The following CDH12 variants were observed in gnomAD, a reference collection of about 807,000 sequenced individuals.
CDH12 encodes the protein cadherin 12.
CDH12 carries 41 observed loss-of-function variants against 74.1 expected under a neutral mutation model. The observed-to-expected ratio is 0.55, with a 90% CI of 0.43 to 0.72. The LOEUF (loss-of-function observed/expected upper bound fraction) is 0.72. Among genes scored for constraint, CDH12 ranks in the 30% least tolerant of loss-of-function variants. The probability of loss-of-function intolerance (pLI) is 0.00; values close to 1 mark genes in which losing one functional copy is unlikely to be tolerated. For missense variants in CDH12, 945 were observed against 977.2 expected (o/e 0.97, Z 0.44); for synonymous variants, 399 against 355.0 (o/e 1.12, Z -1.39).
intron 1 of CDH12, among the ~76,000 whole-genome samples, chr5:22,823,570 T>A (rs1328278840): frequency 6.6e-6 from 1 of 152,122 alleles, no homozygotes; most frequent in Non-Finnish European, 1.5e-5. Flanking sequence ...ATTAGCCGCA[T>A]GAAAACATAC....
chr5:22,494,226 T>C (rs976266342), intron 2 of CDH12, among the ~76,000 whole-genome samples: 2 of 152,214 alleles, frequency 1.3e-5, no homozygotes, highest in South Asian at 2.1e-4. Flanking sequence ...TCTCCCCAGA[T>C]TGGCGTGGGT....
At chr5:22,801,369 C>A (rs935749084) in intron 1 of CDH12, among the ~76,000 whole-genome samples, 1 of 151,916 alleles carries the variant, frequency 6.6e-6, no homozygotes, top group African/African-American at 2.4e-5. Context: ...AAGCAAAATG[C>A]CAGTTTTGGG....
intron 6 of CDH12, among the ~76,000 whole-genome samples, chr5:21,951,468 A>C (rs1364494393): frequency 6.6e-6 from 1 of 152,014 alleles, no homozygotes; most frequent in African/African-American, 2.4e-5. Flanking sequence ...GGCCGGTCAC[A>C]AACTCCTGAC....
At chr5:22,689,021 C>T (rs1741949523) in intron 1 of CDH12, among the ~76,000 whole-genome samples, 1 of 151,922 alleles carries the variant, frequency 6.6e-6, no homozygotes, top group Admixed American at 6.6e-5. Context: ...TATTCACAGC[C>T]TGAATTAAAA....
chr5:22,838,048 A>G (rs1736911432), intron 1 of CDH12, among the ~76,000 whole-genome samples: 1 of 152,152 alleles, frequency 6.6e-6, no homozygotes, highest in Non-Finnish European at 1.5e-5. Flanking sequence ...ATTATTCTCC[A>G]AGGTCATTGT....
intron 3 of CDH12, among the ~76,000 whole-genome samples, chr5:22,395,850 A>G (rs1359790116): frequency 6.6e-6 from 1 of 152,152 alleles, no homozygotes; most frequent in African/African-American, 2.4e-5. Flanking sequence ...TGCATTTTAC[A>G]TACTCTCTGA....
intron 3 of CDH12, among the ~76,000 whole-genome samples, chr5:22,341,740 G>T (rs1236349287): frequency 6.6e-6 from 1 of 152,052 alleles, no homozygotes; most frequent in Non-Finnish European, 1.5e-5. Flanking sequence ...TTTTGTATAA[G>T]ATCATTTCAC....
At position 22,153,537 on chromosome 5, in the gene CDH12, G is replaced by T. The variant is rs559803792; in HGVS notation, c.-187+58961C>A. ...TCCAACTGCTTGGTTTTGTATTTTG[G>T]ATTTGAAACTTAGTAACCATTTTCA... On this transcript the variant is annotated intron_variant, in intron 4 of 14. Transcript: ENST00000382254. Among the ~76,000 whole-genome samples, 11 of 151,236 alleles carry T rather than the reference G, an allele frequency of 7.3e-5. No homozygotes were observed. The South Asian group carries it at 2.3e-3, about 32-fold the overall frequency.
At chr5:22,804,573 C>G (rs186428984) in intron 1 of CDH12, among the ~76,000 whole-genome samples, 42 of 152,256 alleles carry the variant, frequency 2.8e-4, no homozygotes, top group Non-Finnish European at 3.5e-4. Context: ...ATGCCTCAGC[C>G]TTGAGGTAGA....
chr5:22,440,500 T>G (rs1744582592), intron 2 of CDH12, among the ~76,000 whole-genome samples: 1 of 152,116 alleles, frequency 6.6e-6, no homozygotes, highest in South Asian at 2.1e-4. Flanking sequence ...AACTTGGTAC[T>G]TAAAACAACA....
At chr5:22,359,979 G>A (rs1422999580) in intron 3 of CDH12, among the ~76,000 whole-genome samples, 2 of 151,976 alleles carry the variant, frequency 1.3e-5, no homozygotes, top group Admixed American at 1.3e-4. Context: ...AAGAAAGCAG[G>A]AAAGATCTAA....
At chr5:22,093,849 G>C (rs1195153113) in intron 4 of CDH12, among the ~76,000 whole-genome samples, 1 of 152,138 alleles carries the variant, frequency 6.6e-6, no homozygotes, top group African/African-American at 2.4e-5. Flanking sequence ...GCTGTAATTA[G>C]TGGACCTGAA....
chr5:22,081,267 C>A (rs957609371), intron 4 of CDH12, among the ~76,000 whole-genome samples: 1 of 152,134 alleles, frequency 6.6e-6, no homozygotes, highest in South Asian at 2.1e-4. Flanking sequence ...AACTCCATCA[C>A]GTTTGCGGTA....
At chr5:21,857,796 C>G (rs993756985) in intron 6 of CDH12, among the ~76,000 whole-genome samples, 2 of 151,878 alleles carry the variant, frequency 1.3e-5, no homozygotes, top group Non-Finnish European at 2.9e-5. Context: ...CAAAATACCA[C>G]AGGCTGGGTG....
Position 22,358,434 on chromosome 5 carries a change from T to C in CDH12, c.-333+46823A>G, listed in dbSNP as rs370730959. On this transcript the variant is annotated intron_variant, in intron 3 of 14. Transcript: ENST00000382254. ...TCTCCCAGAAAAAAAAAAGAAATGC[T>C]AATAGCCAAAAAAGCAGCCCCCACT... is the stretch of plus-strand genomic sequence containing the variant. Among the ~76,000 whole-genome samples, 29 of 152,050 alleles carry C rather than the reference T, an allele frequency of 1.9e-4. No individual in the cohort carries two copies. The East Asian group carries it at 4.8e-3, about 25-fold the overall frequency.
intron 1 of CDH12, among the ~76,000 whole-genome samples, chr5:22,653,346 A>G (rs1350803717): frequency 6.6e-6 from 1 of 152,142 alleles, no homozygotes; most frequent in Non-Finnish European, 1.5e-5. Context: ...TAAGTGAAAC[A>G]TAGGAAGATA....
intron 3 of CDH12, among the ~76,000 whole-genome samples, chr5:22,325,109 G>T (rs912056055): frequency 6.6e-6 from 1 of 152,184 alleles, no homozygotes; most frequent in Admixed American, 6.5e-5. Context: ...TCGTGTTTTG[G>T]TGCTGGGTGG....
At chr5:21,781,952 G>C (rs941736154) in intron 11 of CDH12, among the ~76,000 whole-genome samples, 1 of 152,122 alleles carries the variant, frequency 6.6e-6, no homozygotes, top group Non-Finnish European at 1.5e-5. Context: ...GTGAAATATT[G>C]TAAAATTGTG....
intron 1 of CDH12, among the ~76,000 whole-genome samples, chr5:22,680,539 G>A (rs754969475): frequency 2.0e-5 from 3 of 152,040 alleles, no homozygotes; most frequent in Non-Finnish European, 4.4e-5. Context: ...GAAGACACAA[G>A]CTGGAAAATG....
Sources: allele counts gnomAD v4.1 joint callset (sites outside exome capture counted in the v4.1 genomes callset), GRCh38; gene constraint gnomAD v4.1.1; transcripts MANE v1.5; gene names NCBI Gene and HGNC (gene_info 2026-07-23, HGNC 2026-07-21).